The following CSMD1 variants were observed in gnomAD, a reference collection of about 807,000 sequenced individuals.
The protein encoded by CSMD1 is CUB and Sushi multiple domains 1, also known as CUB and sushi domain-containing protein 1.
CSMD1 carries 213 observed loss-of-function variants against 417.5 expected under a neutral mutation model. The observed-to-expected ratio is 0.51, with a 90% CI of 0.46 to 0.57. The LOEUF is 0.57. CSMD1 is among the 20% of genes least tolerant of loss of function. The probability of loss-of-function intolerance (pLI) is 0.00; values close to 1 mark genes in which losing one functional copy is unlikely to be tolerated. For synonymous variants in CSMD1, 2,862 were observed against 1,736.8 expected (o/e 1.65, Z -16.11); for missense variants, 6,923 against 4,529.7 (o/e 1.53, Z -15.17).
At chr8:3,421,424 T>C (rs1813481113) in intron 12 of CSMD1, among the ~76,000 whole-genome samples, 5 of 152,366 alleles carry the variant, frequency 3.3e-5, no homozygotes, top group African/African-American at 1.2e-4. Context: ...TCCCAGGTTG[T>C]GATTAAGAAA....
At chr8:4,771,638 C>T (rs1308478050) in intron 1 of CSMD1, among the ~76,000 whole-genome samples, 1 of 152,080 alleles carries the variant, frequency 6.6e-6, no homozygotes, top group Non-Finnish European at 1.5e-5. Context: ...TGATTAACAC[C>T]ATGATTTCTA....
At chr8:3,269,208 C>A (rs543933116) in intron 26 of CSMD1, among the ~76,000 whole-genome samples, 6 of 152,222 alleles carry the variant, frequency 3.9e-5, no homozygotes, top group Non-Finnish European at 8.8e-5. Flanking sequence ...AAGCTGAATG[C>A]AGCTGTCTTT....
chr8:4,303,550 T>G (rs187919237), intron 3 of CSMD1, among the ~76,000 whole-genome samples: 5 of 151,970 alleles, frequency 3.3e-5, no homozygotes, highest in Non-Finnish European at 7.4e-5. Flanking sequence ...AAATAAATTT[T>G]AAAAAATTTC....
chr8:3,985,850 T>G (rs1454882618), intron 5 of CSMD1, among the ~76,000 whole-genome samples: 1 of 151,504 alleles, frequency 6.6e-6, no homozygotes, highest in African/African-American at 2.4e-5. Context: ...GTACCCTAGG[T>G]CTGTCTGAGC....
intron 5 of CSMD1, among the ~76,000 whole-genome samples, chr8:3,948,545 G>A (rs565502282): frequency 6.6e-6 from 1 of 151,852 alleles, no homozygotes; most frequent in Non-Finnish European, 1.5e-5. Flanking sequence ...ATTATATTTG[G>A]TTGCTGGACA....
intron 3 of CSMD1, among the ~76,000 whole-genome samples, chr8:4,274,020 T>C (rs1346810378): frequency 1.3e-5 from 2 of 152,206 alleles, no homozygotes; most frequent in African/African-American, 4.8e-5. Context: ...CAGCATATTC[T>C]ATGTCACTTA....
At chr8:4,069,801 A>C (rs80260358) in intron 3 of CSMD1, among the ~76,000 whole-genome samples, 10 of 152,284 alleles carry the variant, frequency 6.6e-5, no homozygotes, top group African/African-American at 2.2e-4. Flanking sequence ...ACACGTAATT[A>C]CTCGACAACT....
At chr8:4,308,243 G>C (rs1008250919) in intron 3 of CSMD1, among the ~76,000 whole-genome samples, 2 of 151,868 alleles carry the variant, frequency 1.3e-5, no homozygotes, top group African/African-American at 4.8e-5. Flanking sequence ...GTCATGTATA[G>C]TTTTTTTTAT....
At position 4,108,526 on chromosome 8, in the gene CSMD1, T is replaced by C. The variant is rs369579199; in HGVS notation, c.416-76427A>G. Among the ~76,000 whole-genome samples the C allele has an allele frequency of 6.6e-5, 10 of 152,346 alleles. No individual in the cohort carries two copies. In the East Asian group the frequency reaches 1.9e-3, roughly 29 times the overall value. On this transcript the variant is annotated intron_variant, in intron 3 of 69. Transcript: ENST00000635120. ...AATGCAGTTTTAATTTGATAATTTA[T>C]TTGTAACCCCAACTGTTTTCCCAGA...
chr8:4,300,817 G>C (rs1041190306), intron 3 of CSMD1, among the ~76,000 whole-genome samples: 4 of 152,116 alleles, frequency 2.6e-5, no homozygotes, highest in African/African-American at 9.7e-5. Flanking sequence ...AGTTTGCTGA[G>C]AATGATGGTT....
At chr8:4,660,855 T>A (rs760898113) in intron 1 of CSMD1, among the ~76,000 whole-genome samples, 2 of 152,108 alleles carry the variant, frequency 1.3e-5, no homozygotes, top group Admixed American at 6.6e-5. Context: ...GCAAATACCA[T>A]GTTAAAAGGT....
chr8:3,781,912 C>G (rs1337681693), intron 5 of CSMD1, among the ~76,000 whole-genome samples: 1 of 151,674 alleles, frequency 6.6e-6, no homozygotes, highest in Non-Finnish European at 1.5e-5. Context: ...TTTGGTAGAC[C>G]CATTTAATAA....
intron 1 of CSMD1, among the ~76,000 whole-genome samples, chr8:4,734,706 A>G (rs989523506): frequency 2.6e-5 from 4 of 152,150 alleles, no homozygotes; most frequent in Non-Finnish European, 5.9e-5. Flanking sequence ...GTTCAAGCAA[A>G]AGATACATCT....
intron 23 of CSMD1, among the ~76,000 whole-genome samples, chr8:3,309,146 C>G (rs1805125895): frequency 6.6e-6 from 1 of 152,158 alleles, no homozygotes; most frequent in African/African-American, 2.4e-5. Context: ...GGATACTCTG[C>G]TGCCTCTTTG....
At chr8:4,000,832 G>A (rs890911255) in intron 4 of CSMD1, among the ~76,000 whole-genome samples, 10 of 151,960 alleles carry the variant, frequency 6.6e-5, no homozygotes, top group African/African-American at 2.4e-4. Context: ...CACAGATGCA[G>A]AAGAAAAGAG....
At chr8:3,737,985 G>A (rs1796609898) in intron 6 of CSMD1, among the ~76,000 whole-genome samples, 1 of 152,290 alleles carries the variant, frequency 6.6e-6, no homozygotes, top group East Asian at 1.9e-4. Context: ...ATAAATTGCA[G>A]AAGAATGCAG....
At chr8:3,470,184 T>C (rs1020216785) in intron 11 of CSMD1, among the ~76,000 whole-genome samples, 1 of 152,218 alleles carries the variant, frequency 6.6e-6, no homozygotes, top group Non-Finnish European at 1.5e-5. Flanking sequence ...TTAAAGTTTT[T>C]TTGTAAATGA....
At chr8:3,001,935 A>G (rs1334355741) in intron 52 of CSMD1, among the ~76,000 whole-genome samples, 2 of 151,100 alleles carry the variant, frequency 1.3e-5, no homozygotes, top group Admixed American at 6.6e-5. Flanking sequence ...TGCTTAAAAC[A>G]AAGTTTAGAA....
intron 2 of CSMD1, among the ~76,000 whole-genome samples, chr8:4,557,255 G>T (rs1428788468): frequency 6.6e-6 from 1 of 152,044 alleles, no homozygotes. Flanking sequence ...GAATTTCTTA[G>T]CTCTTACAAG....
Sources: gnomAD v4.1 joint callset for allele counts (sites outside exome capture counted in the v4.1 genomes callset) on GRCh38, gnomAD v4.1.1 for gene constraint, MANE v1.5 for transcripts, NCBI Gene and HGNC (gene_info 2026-07-23, HGNC 2026-07-21) for gene names.